Variants in NBEA observed in about 807,000 individuals in gnomAD.
NBEA encodes the protein neurobeachin.
Under a neutral mutation model 343.4 loss-of-function variants are expected in NBEA, and 44 were observed. That is an observed-to-expected ratio of 0.13 (90% CI 0.10 to 0.16). The LOEUF is 0.16. NBEA is among the 10% of genes least tolerant of loss of function. The pLI, the probability that NBEA is intolerant of heterozygous loss-of-function variation, is 1.00. For synonymous variants in NBEA, 1,175 were observed against 1,238.7 expected, an observed-to-expected ratio of 0.95 and a Z score of 1.08; for missense variants, 2,555 against 3,631.3, an observed-to-expected ratio of 0.70 and a Z score of 7.62.
intron 38 of NBEA, among the ~76,000 whole-genome samples, chr13:35,413,254 T>C (rs2043699013): frequency 6.6e-6 from 1 of 152,148 alleles, no homozygotes; most frequent in Non-Finnish European, 1.5e-5. Context: ...CTTATGTTTT[T>C]GTTTAATCTT....
At chr13:35,418,083 C>A (rs2044044559) in intron 38 of NBEA, among the ~76,000 whole-genome samples, 1 of 151,910 alleles carries the variant, frequency 6.6e-6, no homozygotes, top group African/African-American at 2.4e-5. Context: ...TTTTGTTTTC[C>A]ATTTGCTTGG....
At position 34,989,352 on chromosome 13, in the gene NBEA, C is replaced by T. The variant is rs2060667653; in HGVS notation, c.294+46238C>T. Among the ~76,000 whole-genome samples, 5 of 150,798 alleles carry T rather than the reference C, an allele frequency of 3.3e-5. 1 individual carries two copies. In the South Asian group the frequency reaches 6.3e-4, roughly 19 times the overall value. ...AATTTATGAAGAAAAGAGATTTAATCGATTCACATTTTCACAGGGTGTACA... is the reference window on the plus strand; with the variant it reads ...AATTTATGAAGAAAAGAGATTTAATTGATTCACATTTTCACAGGGTGTACA... On this transcript the variant is annotated intron_variant, in intron 1 of 58. Coordinates refer to ENST00000379939, the MANE Select transcript of NBEA (RefSeq NM_001385012.1).
At chr13:35,113,682 T>C (rs1184631093) in intron 13 of NBEA, among the ~76,000 whole-genome samples, 2 of 152,190 alleles carry the variant, frequency 1.3e-5, no homozygotes, top group Admixed American at 1.3e-4. Flanking sequence ...CAATGTGTTA[T>C]ATCAACAGTT....
chr13:35,636,889 G>T (rs894141034), intron 49 of NBEA, among the ~76,000 whole-genome samples: 1 of 152,230 alleles, frequency 6.6e-6, no homozygotes, highest in Non-Finnish European at 1.5e-5. Context: ...ATCTAGAAAA[G>T]AGTATTTCAG....
chr13:35,649,573 T>G, intron 51 of NBEA, 82 bp from the exon 52 acceptor site: 1 of 1,189,960 alleles, frequency 8.4e-7, no homozygotes, highest in Non-Finnish European at 1.2e-6. Flanking sequence ...CCTTGTCTGT[T>G]TAACCTCATT....
rs540101084 is a variant in NBEA, at chr13:35,124,387, C to T, written c.2336+813C>T. Reference sequence around the variant, plus strand: ...AGAAGTTTAAATATTTTTAAAATTTCGGTACCAAAGAATAATTAAGTAAGG... The same window carrying T: ...AGAAGTTTAAATATTTTTAAAATTTTGGTACCAAAGAATAATTAAGTAAGG... On this transcript the variant is annotated intron_variant, in intron 17 of 58. Coordinates refer to ENST00000379939, the MANE Select transcript of NBEA (RefSeq NM_001385012.1). Among the ~76,000 whole-genome samples, 114 of 149,996 alleles carry T rather than the reference C, an allele frequency of 7.6e-4. 1 individual carries two copies. The highest frequency in any genetic ancestry group is 1.3e-3 in the Non-Finnish European group (89 of 67,564).
intron 1 of NBEA, among the ~76,000 whole-genome samples, chr13:34,961,730 G>A (rs752415493): frequency 1.3e-5 from 2 of 151,984 alleles, no homozygotes; most frequent in Non-Finnish European, 2.9e-5. Context: ...ATCAATTAGG[G>A]TATTGTGGGC....
chr13:35,433,545 A>G (rs762304048), intron 39 of NBEA, among the ~76,000 whole-genome samples: 4 of 152,042 alleles, frequency 2.6e-5, no homozygotes, highest in Admixed American at 6.5e-5. Flanking sequence ...AGCTTTTAAA[A>G]TTTCTTTTCC....
At chr13:35,010,416 A>C (rs1438782322) in intron 1 of NBEA, among the ~76,000 whole-genome samples, 1 of 151,724 alleles carries the variant, frequency 6.6e-6, no homozygotes, top group Admixed American at 6.6e-5. Context: ...CATTTCTACA[A>C]AAAGCGAAAC....
At chr13:35,283,987 GACACACAC>G (rs34465386) in intron 34 of NBEA, among the ~76,000 whole-genome samples, 4 of 140,966 alleles carry the variant, frequency 2.8e-5, no homozygotes, top group Admixed American at 1.4e-4. Flanking sequence ...TGTGTACACA[GACACACAC>G]ACACACACAC....
intron 30 of NBEA, among the ~76,000 whole-genome samples, chr13:35,193,918 T>C (rs1029055602): frequency 1.2e-4 from 18 of 151,996 alleles, no homozygotes; most frequent in Non-Finnish European, 2.2e-4. Flanking sequence ...TTAAGTCAGT[T>C]TAAATTAGTA....
intron 6 of NBEA, among the ~76,000 whole-genome samples, chr13:35,055,669 G>A (rs1232385703): frequency 6.6e-6 from 1 of 152,026 alleles, no homozygotes; most frequent in Non-Finnish European, 1.5e-5. Flanking sequence ...AGGAGAACTG[G>A]TCAGCCTTGG....
intron 39 of NBEA, among the ~76,000 whole-genome samples, chr13:35,432,871 A>G (rs2045211160): frequency 6.6e-6 from 1 of 151,984 alleles, no homozygotes; most frequent in African/African-American, 2.4e-5. Flanking sequence ...GTATATGTTT[A>G]TGTATGCATA....
chr13:35,293,495 G>A (rs975272439), intron 35 of NBEA, among the ~76,000 whole-genome samples: 2 of 151,858 alleles, frequency 1.3e-5, no homozygotes. Flanking sequence ...ATGAACTAAA[G>A]TAAAAAAATT....
chr13:35,270,554 TG>T (rs2034051028), intron 34 of NBEA, among the ~76,000 whole-genome samples: 1 of 152,304 alleles, frequency 6.6e-6, no homozygotes, highest in Middle Eastern at 3.4e-3. Flanking sequence ...ACAAGAGGTC[TG>T]GGGATTTCCC....
intron 43 of NBEA, among the ~76,000 whole-genome samples, chr13:35,554,759 GT>G (rs1485530821): frequency 6.6e-6 from 1 of 152,080 alleles, no homozygotes; most frequent in Non-Finnish European, 1.5e-5. Flanking sequence ...GACAAATAAG[GT>G]TGCTTTCAAA....
At chr13:35,262,030 C>T (rs1363094876) in intron 34 of NBEA, among the ~76,000 whole-genome samples, 1 of 152,128 alleles carries the variant, frequency 6.6e-6, no homozygotes, top group Non-Finnish European at 1.5e-5. Context: ...GACACTTCAC[C>T]AGTGATTATA....
intron 1 of NBEA, among the ~76,000 whole-genome samples, chr13:34,952,465 T>C (rs1324428890): frequency 6.6e-6 from 1 of 152,226 alleles, no homozygotes. Context: ...CTGGGTATAA[T>C]GTGGATACTT....
At chr13:35,453,158 T>C (rs1256087060) in intron 40 of NBEA, among the ~76,000 whole-genome samples, 2 of 152,206 alleles carry the variant, frequency 1.3e-5, no homozygotes, top group Non-Finnish European at 2.9e-5. Context: ...TATGAAAGTC[T>C]CTAGTGATTT....
Sources: allele counts gnomAD v4.1 joint callset (sites outside exome capture counted in the v4.1 genomes callset), GRCh38; gene constraint gnomAD v4.1.1; transcripts MANE v1.5; gene names NCBI Gene and HGNC (gene_info 2026-07-23, HGNC 2026-07-21).